The following ZFP82 variants were observed in gnomAD, a reference collection of about 807,000 sequenced individuals.
The protein encoded by ZFP82 is ZFP82 zinc finger protein.
ZFP82 carries 30 observed loss-of-function variants against 54.0 expected under a neutral mutation model. The observed-to-expected ratio is 0.56, with a 90% CI of 0.42 to 0.75. The LOEUF is 0.75. ZFP82 is among the 30% of genes least tolerant of loss of function. The pLI is 0.00. For synonymous variants in ZFP82, 194 were observed against 209.5 expected (o/e 0.93, Z 0.64); for missense variants, 500 against 636.8 (o/e 0.79, Z 2.31).
At chr19:36,397,607 C>T (rs2032318114) in intron 4 of ZFP82, among the ~76,000 whole-genome samples, 2 of 152,016 alleles carry the variant, frequency 1.3e-5, no homozygotes, top group Admixed American at 6.6e-5. Context: ...GTCACCCAGG[C>T]TAGAGTGCAG....
chr19:36,408,734 C>T (rs1166676008), intron 2 of ZFP82, among the ~76,000 whole-genome samples: 2 of 152,060 alleles, frequency 1.3e-5, no homozygotes, highest in Admixed American at 6.5e-5. Flanking sequence ...AGGAGAATCG[C>T]TTGAATCCAG....
In ZFP82 at chr19:36,393,832, A is replaced by T; in HGVS notation, c.508T>A (p.Tyr170Asn). Residue 170 changes from tyrosine (Y) to asparagine (N), a missense_variant, in exon 5 of 5, where the codon TAT (tyrosine) becomes AAT (asparagine). Tyr to Asn is a moderately radical substitution (Grantham distance 143). Coordinates refer to ENST00000392161, the MANE Select transcript of ZFP82 (RefSeq NM_133466.4). ...HQRLHFVDKPYECKECGKAFR... is the reference protein window; with the variant it reads ...HQRLHFVDKPNECKECGKAFR... ...GCCTTCCCACATTCCTTACATTCAT[A>T]GGGTTTATCAACAAAATGAAGTCTC... 6.2e-7 allele frequency: 1 copy of T among 1,614,240 alleles called. No homozygotes were observed. The highest frequency in any genetic ancestry group is 8.5e-7 in the Non-Finnish European group (1 of 1,180,042).
intron 4 of ZFP82, among the ~76,000 whole-genome samples, chr19:36,400,992 C>G (rs1377912743): frequency 6.6e-6 from 1 of 152,250 alleles, no homozygotes; most frequent in East Asian, 1.9e-4. Flanking sequence ...ATTCTCAGTC[C>G]TCATTCTCTA....
At chr19:36,416,973 T>TGAGGTATAAGAATGGCTTGAACCACGGA (rs1568493728) in intron 1 of ZFP82, among the ~76,000 whole-genome samples, 1 of 142,680 alleles carries the variant, frequency 7.0e-6, no homozygotes, top group Admixed American at 7.5e-5. Flanking sequence ...CTTGGGAGGC[T>TGAGGTATAAGAATGGCTTGAACCACGGA]GAGGTATAAG....
At chr19:36,398,584 T>C (rs1458989275) in intron 4 of ZFP82, among the ~76,000 whole-genome samples, 1 of 151,772 alleles carries the variant, frequency 6.6e-6, no homozygotes, top group Non-Finnish European at 1.5e-5. Context: ...GGAAATCTAT[T>C]AAGACAATTC....
intron 1 of ZFP82, among the ~76,000 whole-genome samples, chr19:36,416,544 G>A (rs1375302924): frequency 1.3e-5 from 2 of 151,888 alleles, no homozygotes; most frequent in Non-Finnish European, 2.9e-5. Context: ...ATCACCTGAG[G>A]TCGGGAGTTC....
At chr19:36,394,227 G>T in intron 4 of ZFP82, 117 bp from the exon 5 acceptor site, 2 of 958,928 alleles carry the variant, frequency 2.1e-6, no homozygotes, top group South Asian at 1.7e-5. Flanking sequence ...CTAAAATATT[G>T]TTATACAATT....
chr19:36,386,977 C>A (rs1216797073), downstream of ZFP82, among the ~76,000 whole-genome samples: 5 of 152,192 alleles, frequency 3.3e-5, no homozygotes, highest in Non-Finnish European at 7.4e-5. Context: ...GGTTTTGGAC[C>A]TACTTGGGAC....
At chr19:36,402,244 G>A (rs866207795) in intron 4 of ZFP82, among the ~76,000 whole-genome samples, 2 of 151,902 alleles carry the variant, frequency 1.3e-5, no homozygotes, top group African/African-American at 2.4e-5. Flanking sequence ...CAAGGTGGGC[G>A]GATCACAAGG....
chr19:36,415,833 A>AC (rs2063474137), intron 1 of ZFP82, among the ~76,000 whole-genome samples: 2 of 152,148 alleles, frequency 1.3e-5, no homozygotes, highest in African/African-American at 4.8e-5. Context: ...AATAAGTAAC[A>AC]CCCATCAGTT....
At chr19:36,417,554 C>A (rs1308907772) in intron 1 of ZFP82, among the ~76,000 whole-genome samples, 1 of 152,214 alleles carries the variant, frequency 6.6e-6, no homozygotes, top group African/African-American at 2.4e-5. Flanking sequence ...GCTCGGACCC[C>A]TTTTCTTAAA....
chr19:36,415,223 C>T (rs2032649539), intron 1 of ZFP82, among the ~76,000 whole-genome samples: 1 of 151,980 alleles, frequency 6.6e-6, no homozygotes. Flanking sequence ...CACAAGTGCA[C>T]AGAAAAAAAT....
At chr19:36,410,650 G>A (rs555171224) in intron 1 of ZFP82, among the ~76,000 whole-genome samples, 13 of 151,798 alleles carry the variant, frequency 8.6e-5, no homozygotes, top group South Asian at 6.3e-4. Flanking sequence ...CTACAGGCAC[G>A]CACCACCACG....
intron 3 of ZFP82, among the ~76,000 whole-genome samples, chr19:36,406,247 G>A (rs2945951): frequency 0.68 from 103,303 of 152,038 alleles, 35,381 homozygotes; most frequent in African/African-American, 0.76. Context: ...TAACAGCTTT[G>A]CTGCAATATA....
rs931683549 is a variant in ZFP82 at position 36,392,133 on chromosome 19, T to C, written c.*608A>G. 6.6e-6 allele frequency: 1 copy of C among 152,644 alleles called. No homozygotes were observed. Among genetic ancestry groups the C allele is most frequent in the African/African-American group, 2.4e-5 (1 of 41,446 alleles). 9.5% of individuals were successfully genotyped at this position (152,644 alleles called of 1,614,324 possible). On this transcript the variant is annotated 3_prime_UTR_variant, in exon 5 of 5. Coordinates refer to ENST00000392161, the MANE Select transcript of ZFP82 (RefSeq NM_133466.4). ...TGGTGGATCCAAAATTTCACTCAAA[T>C]GTCTGGTATCTTGGTGGATGTCAAG...
intron 4 of ZFP82, among the ~76,000 whole-genome samples, chr19:36,403,182 G>T (rs1250471362): frequency 6.6e-6 from 1 of 151,562 alleles, no homozygotes; most frequent in Non-Finnish European, 1.5e-5. Flanking sequence ...AATTATCCAG[G>T]CATGGTGGCA....
chr19:36,398,925 T>C (rs530734956), intron 4 of ZFP82, among the ~76,000 whole-genome samples: 2 of 152,210 alleles, frequency 1.3e-5, no homozygotes, highest in South Asian at 4.1e-4. Flanking sequence ...ATTAATGATG[T>C]AGTATTAGAG....
downstream of ZFP82, among the ~76,000 whole-genome samples, chr19:36,386,071 C>T (rs1488658054): frequency 1.3e-5 from 2 of 152,190 alleles, no homozygotes; most frequent in Non-Finnish European, 2.9e-5. Context: ...AGAAGGAAGA[C>T]AGGAGCTATC....
chr19:36,396,810 T>C (rs2032303006), intron 4 of ZFP82, among the ~76,000 whole-genome samples: 1 of 149,692 alleles, frequency 6.7e-6, no homozygotes, highest in Non-Finnish European at 1.5e-5. Context: ...CACTGCACTC[T>C]GGGTTGGGTG....
Sources: allele counts gnomAD v4.1 joint callset (sites outside exome capture counted in the v4.1 genomes callset), GRCh38; gene constraint gnomAD v4.1.1; transcripts MANE v1.5; gene names NCBI Gene and HGNC (gene_info 2026-07-23, HGNC 2026-07-21).